Variants in DENND4C observed in about 807,000 individuals in gnomAD.
The protein encoded by DENND4C is DENN domain containing 4C.
A neutral mutation model predicts 203.0 loss-of-function variants in DENND4C; 108 were observed. The ratio of observed to expected loss-of-function variants is 0.53; its 90% CI spans 0.46 to 0.62. DENND4C has a LOEUF of 0.62. DENND4C is among the 20% of genes least tolerant of loss of function. The pLI, the probability that DENND4C is intolerant of heterozygous loss-of-function variation, is 0.00. For missense variants in DENND4C, 2,481 were observed against 2,301.2 expected, an observed-to-expected ratio of 1.08 and a Z score of -1.60; for synonymous variants, 871 against 792.4, an observed-to-expected ratio of 1.10 and a Z score of -1.67.
intron 1 of DENND4C, among the ~76,000 whole-genome samples, chr9:19,242,267 T>C (rs1428383436): frequency 6.6e-6 from 1 of 152,238 alleles, no homozygotes; most frequent in East Asian, 1.9e-4. Context: ...CATTTATTTT[T>C]ATTGCTAAAT....
At chr9:19,294,673 G>GTA (rs955272619) in intron 5 of DENND4C, among the ~76,000 whole-genome samples, 3 of 152,054 alleles carry the variant, frequency 2.0e-5, no homozygotes, top group South Asian at 2.1e-4. Flanking sequence ...ACAAAATATG[G>GTA]TATATATATA....
At chr9:19,278,876 C>G (rs1035445969) in intron 2 of DENND4C, among the ~76,000 whole-genome samples, 15 of 152,092 alleles carry the variant, frequency 9.9e-5, no homozygotes, top group African/African-American at 3.1e-4. Flanking sequence ...CTCTGCCCCC[C>G]CAGAAGCTTG....
chr9:19,315,717 T>C (rs76631651), intron 10 of DENND4C, among the ~76,000 whole-genome samples: 3 of 151,322 alleles, frequency 2.0e-5, no homozygotes, highest in African/African-American at 7.3e-5. Flanking sequence ...TTTTTTTTTT[T>C]CTTTTTGAGA....
intron 20 of DENND4C, among the ~76,000 whole-genome samples, chr9:19,337,953 A>C (rs1406648134): frequency 6.6e-6 from 1 of 152,224 alleles, no homozygotes; most frequent in Non-Finnish European, 1.5e-5. Flanking sequence ...AAATAGTGTT[A>C]TAGGCATTGA....
In DENND4C at chr9:19,372,964, T is replaced by TTTTA; in HGVS notation, c.*791_*792insTTTA. ...TACAGCCATATTCTAAGTGTATATT[T>TTTTA]ATTAAAATAGATTGCATGTTGCAAT... is the stretch of plus-strand genomic sequence containing the variant. On this transcript the variant is annotated 3_prime_UTR_variant, in exon 33 of 33. Coordinates refer to ENST00000434457, the MANE Select transcript of DENND4C (RefSeq NM_001330640.2). 1 of 152,256 alleles carries TTTTA rather than the reference T, an allele frequency of 6.6e-6. No individual in the cohort carries two copies. Among genetic ancestry groups the TTTTA allele is most frequent in the Non-Finnish European group, 1.5e-5 (1 of 68,018 alleles). 9.4% of individuals were successfully genotyped at this position (152,256 alleles called of 1,614,324 possible).
intron 1 of DENND4C, among the ~76,000 whole-genome samples, chr9:19,250,594 G>T (rs1194662441): frequency 6.6e-6 from 1 of 152,104 alleles, no homozygotes; most frequent in Non-Finnish European, 1.5e-5. Flanking sequence ...CTGAGACAAG[G>T]CAAGTTTCCT....
chr9:19,371,961 C>G, intron 32 of DENND4C, 76 bp from the exon 33 acceptor site: 10 of 1,464,086 alleles, frequency 6.8e-6, no homozygotes, highest in Non-Finnish European at 9.3e-6. Context: ...TATAATTTGA[C>G]TCAATACCAA....
intron 1 of DENND4C, among the ~76,000 whole-genome samples, chr9:19,271,930 G>C (rs1000556376): frequency 6.6e-6 from 1 of 151,484 alleles, no homozygotes; most frequent in Admixed American, 6.6e-5. Flanking sequence ...AGCTAAGGCT[G>C]CCTGATTTCA....
intron 1 of DENND4C, among the ~76,000 whole-genome samples, chr9:19,232,855 TAA>T (rs1820922751): frequency 6.6e-6 from 1 of 152,148 alleles, no homozygotes; most frequent in Non-Finnish European, 1.5e-5. Context: ...ACATTATAAA[TAA>T]TAACTCAATA....
chr9:19,352,073 G>A lies in DENND4C; in HGVS notation c.4496G>A (p.Gly1499Asp), dbSNP rs377186021. The change falls in exon 25 of 33, where the codon GGT becomes GAT. Residue 1499 changes from glycine (G) to aspartate (D), a missense_variant and splice_region_variant. Physicochemically the swap from Gly to Asp is moderately conservative, Grantham distance 94 (BLOSUM62 -1). This residue lies in a region of DENND4C where 2,289 missense variants were observed against 2,113.3 expected (regional missense o/e 1.08). Transcript: ENST00000434457. Reference protein sequence around the residue: ...GDVGKLHYPTGEVPFPRGMKG... With the variant: ...GDVGKLHYPTDEVPFPRGMKG... ...TATTACGATGTATATTCCTTTGTAG[G>A]TGAAGTTCCATTTCCAAGAGGCATG... 9 of 1,612,790 alleles carry A rather than the reference G, an allele frequency of 5.6e-6. No homozygotes were observed. The highest frequency in any genetic ancestry group is 1.1e-5 in the South Asian group (1 of 91,028).
chr9:19,293,920 A>T (rs1348771502), intron 5 of DENND4C, among the ~76,000 whole-genome samples: 4 of 152,152 alleles, frequency 2.6e-5, no homozygotes, highest in Non-Finnish European at 5.9e-5. Context: ...AGTTGCTTTG[A>T]TATGTGGTAA....
In DENND4C at chr9:19,372,232, C is replaced by T; in HGVS notation, c.*59C>T. The T allele has an allele frequency of 6.4e-7, 1 of 1,552,502 alleles. No homozygotes were observed. The highest frequency in any genetic ancestry group is 8.7e-7 in the Non-Finnish European group (1 of 1,150,554). The stretch of plus-strand genomic sequence containing the variant: ...TTGGGGATTAGATTTCATCTGGAAA[C>T]ATTCAAGTTTTTTTTTCCAAATCGT... On this transcript the variant is annotated 3_prime_UTR_variant, in exon 33 of 33. Transcript: ENST00000434457.
At chr9:19,339,005 T>A (rs1332299149) in intron 20 of DENND4C, among the ~76,000 whole-genome samples, 1 of 152,190 alleles carries the variant, frequency 6.6e-6, no homozygotes, top group Non-Finnish European at 1.5e-5. Context: ...TTTTAAAATA[T>A]TTGAAATAAC....
At chr9:19,306,341 G>C (rs1839655992) in intron 10 of DENND4C, among the ~76,000 whole-genome samples, 1 of 152,134 alleles carries the variant, frequency 6.6e-6, no homozygotes, top group Admixed American at 6.5e-5. Flanking sequence ...AATAACCTAA[G>C]GGAGGAAGAA....
In DENND4C at chr9:19,372,434, T is replaced by A. The variant is rs1487520294; in HGVS notation, c.*261T>A. 3 of 337,772 alleles carry A rather than the reference T, an allele frequency of 8.9e-6. No homozygotes were observed. The highest frequency in any genetic ancestry group is 4.8e-5 in the East Asian group (1 of 20,692). 20.9% of individuals were successfully genotyped at this position (337,772 alleles called of 1,614,324 possible). On this transcript the variant is annotated 3_prime_UTR_variant, in exon 33 of 33. Transcript: ENST00000434457. ...GCCTCTGTGGAAAACTACTTTGGGA[T>A]TCTTCAGTATTTGTAGTAGTTTGAT...
intron 1 of DENND4C, among the ~76,000 whole-genome samples, chr9:19,251,492 T>TA: frequency 6.6e-6 from 1 of 152,232 alleles, no homozygotes; most frequent in Non-Finnish European, 1.5e-5. Flanking sequence ...ATTCCACTCT[T>TA]CGTTACTTAT....
chr9:19,269,882 T>C (rs757213125), intron 1 of DENND4C, among the ~76,000 whole-genome samples: 7 of 152,188 alleles, frequency 4.6e-5, no homozygotes, highest in Admixed American at 6.5e-5. Context: ...TGGGCTTGTT[T>C]GTACCCATCC....
intron 18 of DENND4C, 93 bp from the exon 19 acceptor site, chr9:19,336,177 A>ATC (rs1820422329): frequency 9.0e-7 from 1 of 1,109,232 alleles, no homozygotes; most frequent in African/African-American, 1.6e-5. Context: ...TTGTGTATAT[A>ATC]TATATATAAA....
intron 1 of DENND4C, among the ~76,000 whole-genome samples, chr9:19,239,486 A>G (rs999130692): frequency 4.7e-5 from 7 of 149,832 alleles, no homozygotes; most frequent in African/African-American, 1.7e-4. Flanking sequence ...TTTTTTTAAG[A>G]TGGAGTCTCG....
Sources: gnomAD v4.1 joint callset for allele counts (sites outside exome capture counted in the v4.1 genomes callset) on GRCh38, gnomAD v4.1.1 for gene constraint, gnomAD v4.1.1 regional missense constraint, MANE v1.5 for transcripts, NCBI Gene and HGNC (gene_info 2026-07-23, HGNC 2026-07-21) for gene names.